The following ZNF385D variants were observed in gnomAD, a reference collection of about 807,000 sequenced individuals.
ZNF385D encodes zinc finger protein 385D.
A neutral mutation model predicts 35.8 loss-of-function variants in ZNF385D; 15 were observed. The observed-to-expected ratio is 0.42, with a 90% confidence interval of 0.28 to 0.64. The LOEUF is 0.64. Ranked by LOEUF, ZNF385D falls within the 30% of genes least tolerant of loss-of-function variation. The pLI is 0.23. For missense variants in ZNF385D, 474 were observed against 494.6 expected, an observed-to-expected ratio of 0.96 and a Z score of 0.39; for synonymous variants, 212 against 186.8, an observed-to-expected ratio of 1.13 and a Z score of -1.10.
At chr3:21,885,734 C>CTGTGTGTG (rs773651077) in intron 3 of ZNF385D, among the ~76,000 whole-genome samples, 2,498 of 131,876 alleles carry the variant, frequency 0.019, 44 homozygotes, top group South Asian at 0.052. Context: ...CAGGGTGTGT[C>CTGTGTGTG]TGTGTCTGTG....
intron 4 of ZNF385D, among the ~76,000 whole-genome samples, chr3:21,500,972 C>T (rs1262024076): frequency 1.3e-5 from 2 of 152,138 alleles, no homozygotes; most frequent in African/African-American, 4.8e-5. Context: ...GTGTGCCTGG[C>T]AACACAGCCG....
At chr3:21,677,544 A>G (rs2066766853) in intron 1 of ZNF385D, among the ~76,000 whole-genome samples, 1 of 152,078 alleles carries the variant, frequency 6.6e-6, no homozygotes, top group South Asian at 2.1e-4. Flanking sequence ...ACTATTCCTT[A>G]GAATTTGGGA....
intron 3 of ZNF385D, among the ~76,000 whole-genome samples, chr3:21,542,482 G>A (rs1325947613): frequency 6.6e-6 from 1 of 151,976 alleles, no homozygotes; most frequent in Non-Finnish European, 1.5e-5. Context: ...CAAGTAGCTA[G>A]GACTACAGGT....
At chr3:22,320,798 T>A (rs1371485946) in intron 2 of ZNF385D, among the ~76,000 whole-genome samples, 1 of 151,956 alleles carries the variant, frequency 6.6e-6, no homozygotes, top group South Asian at 2.1e-4. Context: ...TTTAGACAGT[T>A]TTAAATCAAA....
intron 2 of ZNF385D, among the ~76,000 whole-genome samples, chr3:22,213,345 T>C (rs1163998389): frequency 6.6e-6 from 1 of 152,054 alleles, no homozygotes; most frequent in East Asian, 1.9e-4. Flanking sequence ...TGTATCTTAC[T>C]GGTAGCACAA....
At chr3:21,527,355 A>T (rs1708288682) in intron 3 of ZNF385D, among the ~76,000 whole-genome samples, 1 of 152,312 alleles carries the variant, frequency 6.6e-6, no homozygotes, top group Admixed American at 6.5e-5. Context: ...ACCTTCGTAC[A>T]GTCAGAAACA....
At chr3:22,071,085 T>A (rs960657842) in intron 3 of ZNF385D, among the ~76,000 whole-genome samples, 2 of 152,160 alleles carry the variant, frequency 1.3e-5, no homozygotes, top group African/African-American at 4.8e-5. Flanking sequence ...AACATGATAT[T>A]TATGACATAG....
chr3:21,792,957 C>T (rs2071991175), intron 3 of ZNF385D, among the ~76,000 whole-genome samples: 1 of 151,902 alleles, frequency 6.6e-6, no homozygotes, highest in Non-Finnish European at 1.5e-5. Flanking sequence ...AGCAATGGAC[C>T]CTCCTCAGGA....
chr3:22,226,174 C>T (rs144469251), intron 2 of ZNF385D, among the ~76,000 whole-genome samples: 101 of 151,750 alleles, frequency 6.7e-4, no homozygotes, highest in African/African-American at 2.3e-3. Context: ...TCAATGTTTC[C>T]ATTTCCAAGT....
chr3:21,919,613 G>A (rs1454138591), intron 3 of ZNF385D, among the ~76,000 whole-genome samples: 2 of 152,168 alleles, frequency 1.3e-5, no homozygotes, highest in African/African-American at 4.8e-5. Context: ...CATATTAAAA[G>A]CTCTGATAAT....
chr3:21,932,029 C>T (rs781271488), intron 3 of ZNF385D, among the ~76,000 whole-genome samples: 4 of 151,446 alleles, frequency 2.6e-5, no homozygotes, highest in Non-Finnish European at 5.9e-5. Flanking sequence ...TAGCCGGGAG[C>T]GGTGGCGGGC....
At chr3:21,782,471 AG>A (rs2071530757) in intron 3 of ZNF385D, among the ~76,000 whole-genome samples, 1 of 152,090 alleles carries the variant, frequency 6.6e-6, no homozygotes, top group South Asian at 2.1e-4. Flanking sequence ...CTTCTAATTC[AG>A]GGTTGTTTTA....
At chr3:21,763,629 C>T (rs77153696) in intron 3 of ZNF385D, among the ~76,000 whole-genome samples, 11,974 of 152,142 alleles carry the variant, frequency 0.079, 642 homozygotes, top group South Asian at 0.17. Flanking sequence ...GAAGTAGGCA[C>T]TTCCTATAAA....
intron 3 of ZNF385D, among the ~76,000 whole-genome samples, chr3:22,130,614 A>G (rs1280638587): frequency 1.3e-5 from 2 of 152,120 alleles, no homozygotes; most frequent in Non-Finnish European, 2.9e-5. Context: ...TCCCAGTGAA[A>G]ACTTCACTAC....
intron 3 of ZNF385D, among the ~76,000 whole-genome samples, chr3:22,033,150 C>T (rs1698102556): frequency 6.6e-6 from 1 of 152,076 alleles, no homozygotes; most frequent in African/African-American, 2.4e-5. Context: ...TCTTGTAACC[C>T]TAGCACTTTA....
Position 21,812,182 on chromosome 3 carries a change from G to A in ZNF385D, c.326-147154C>T, listed in dbSNP as rs188878080. Among the ~76,000 whole-genome samples, 600 of 152,282 alleles carry A rather than the reference G, an allele frequency of 3.9e-3. 5 individuals are homozygous for A. The highest frequency in any genetic ancestry group is 5.1e-3 in the Non-Finnish European group (345 of 68,026). On this transcript the variant is annotated intron_variant, in intron 3 of 5. Coordinates refer to the ZNF385D transcript ENST00000494108. ...TTCCTCAATTAAAAAAATAGGAAGG[G>A]GAAGATCTTACAGATTAAATATTCC...
intron 2 of ZNF385D, among the ~76,000 whole-genome samples, chr3:22,269,955 T>C (rs1029030351): frequency 6.6e-6 from 1 of 151,884 alleles, no homozygotes; most frequent in African/African-American, 2.4e-5. Flanking sequence ...CAGTGCTCTT[T>C]AGTAGTGTAT....
Position 21,811,571 on chromosome 3 carries a change from G to A in ZNF385D, c.326-146543C>T, listed in dbSNP as rs2072922983. Among the ~76,000 whole-genome samples, 3 of 152,168 alleles carry A rather than the reference G, an allele frequency of 2.0e-5. No individual in the cohort carries two copies. The South Asian group carries it at 6.2e-4, about 31-fold the overall frequency. ...ACAAAATGGAGCTCAGATGTATTTG[G>A]AGGTTTCCAATGTATGGCGATAACT... On this transcript the variant is annotated intron_variant, in intron 3 of 5. Coordinates refer to the ZNF385D transcript ENST00000494108.
At chr3:21,914,392 T>G (rs1242940414) in intron 3 of ZNF385D, among the ~76,000 whole-genome samples, 2 of 151,696 alleles carry the variant, frequency 1.3e-5, no homozygotes, top group Non-Finnish European at 2.9e-5. Flanking sequence ...TTTTTTTTTT[T>G]TTTTTTTGGT....
Sources: allele counts gnomAD v4.1 joint callset (sites outside exome capture counted in the v4.1 genomes callset), GRCh38; gene constraint gnomAD v4.1.1; transcripts MANE v1.5; gene names NCBI Gene and HGNC (gene_info 2026-07-23, HGNC 2026-07-21).